The following SAMD5 variants were observed in gnomAD, a reference collection of about 807,000 sequenced individuals.
SAMD5 encodes sterile alpha motif domain containing 5.
In SAMD5, 13 loss-of-function variants were observed where a neutral mutation model predicts 11.3. That is an observed-to-expected ratio of 1.15 (90% CI 0.75 to 1.83). SAMD5 has a LOEUF of 1.83. Among genes scored for constraint, SAMD5 ranks in the 40% most tolerant of loss-of-function variants. SAMD5 has a pLI of 0.00. For missense variants in SAMD5, 255 were observed against 239.1 expected, an observed-to-expected ratio of 1.07 and a Z score of -0.44; for synonymous variants, 129 against 111.3, an observed-to-expected ratio of 1.16 and a Z score of -1.00.
intron 1 of SAMD5, among the ~76,000 whole-genome samples, chr6:147,734,804 T>C (rs1791772128): frequency 7.1e-6 from 1 of 141,750 alleles, no homozygotes; most frequent in Admixed American, 7.2e-5. Flanking sequence ...CACACATAGA[T>C]ACTCAGTAAA....
intron 1 of SAMD5, among the ~76,000 whole-genome samples, chr6:147,523,813 A>G (rs1788292235): frequency 6.6e-6 from 1 of 152,202 alleles, no homozygotes; most frequent in Non-Finnish European, 1.5e-5. Context: ...CTGGTCCTGT[A>G]GTCACTGTCA....
the SAMD5 span, among the ~76,000 whole-genome samples, chr6:147,831,200 A>C: frequency 6.6e-6 from 1 of 152,274 alleles, no homozygotes. Context: ...GAATAAAACA[A>C]AAAAAGATAT....
the SAMD5 span, among the ~76,000 whole-genome samples, chr6:147,857,598 A>G: frequency 6.6e-6 from 1 of 151,990 alleles, no homozygotes; most frequent in African/African-American, 2.4e-5. Context: ...TTCTGCCAAT[A>G]TAGGTAGGTT....
the SAMD5 span, among the ~76,000 whole-genome samples, chr6:147,838,145 G>T: frequency 1.3e-5 from 2 of 152,164 alleles, no homozygotes; most frequent in Non-Finnish European, 2.9e-5. Flanking sequence ...AGAGGAACTT[G>T]AAGGAGAAAT....
At position 147,541,048 on chromosome 6, in the gene SAMD5, C is replaced by T. The variant is rs1230728839; in HGVS notation, c.460-23346C>T. 7.0e-5 allele frequency among the ~76,000 whole-genome samples: 10 copies of T among 142,484 alleles called. No homozygotes were observed. The East Asian group carries it at 2.4e-3, about 34-fold the overall frequency. 93.5% of individuals were successfully genotyped at this position (142,484 alleles called of 152,430 possible). On this transcript the variant is annotated intron_variant, in intron 1 of 1. Transcript: ENST00000367474. ...CACTGCAACCTCCGCCTCCTGGGTTCAAGCGATTCTCCTGCCTCAGCCTCC... is the reference window on the plus strand; with the variant it reads ...CACTGCAACCTCCGCCTCCTGGGTTTAAGCGATTCTCCTGCCTCAGCCTCC...
intron 1 of SAMD5, among the ~76,000 whole-genome samples, chr6:147,515,243 G>A (rs1253115361): frequency 7.8e-6 from 1 of 127,460 alleles, no homozygotes; most frequent in Non-Finnish European, 1.6e-5. Flanking sequence ...GTGGAAAAAA[G>A]TGGGGGCAGG....
chr6:147,896,503 C>T, the SAMD5 span, among the ~76,000 whole-genome samples: 495 of 151,892 alleles, frequency 3.3e-3, 2 homozygotes, highest in Non-Finnish European at 5.4e-3. Flanking sequence ...GTTAGGGAGC[C>T]GGAGTCTCTG....
chr6:147,718,284 C>G (rs1186168361), intron 1 of SAMD5, among the ~76,000 whole-genome samples: 4 of 152,090 alleles, frequency 2.6e-5, no homozygotes, highest in South Asian at 2.1e-4. Flanking sequence ...GTGCACATCC[C>G]CCACCGAGTG....
At chr6:147,642,553 C>T (rs764912742) in intron 1 of SAMD5, among the ~76,000 whole-genome samples, 4 of 152,282 alleles carry the variant, frequency 2.6e-5, no homozygotes, top group East Asian at 3.9e-4. Flanking sequence ...ATTCAAACTG[C>T]GAGTTCGTCA....
intron 1 of SAMD5, among the ~76,000 whole-genome samples, chr6:147,654,975 C>A (rs1790544638): frequency 6.6e-6 from 1 of 152,108 alleles, no homozygotes; most frequent in Non-Finnish European, 1.5e-5. Flanking sequence ...GTGATCAGGA[C>A]CATGAGTGAT....
chr6:147,863,949 A>G, the SAMD5 span, among the ~76,000 whole-genome samples: 1 of 150,436 alleles, frequency 6.6e-6, no homozygotes, highest in Non-Finnish European at 1.5e-5. Context: ...GTGCAAGTGA[A>G]TCTCCTGCCT....
the SAMD5 span, among the ~76,000 whole-genome samples, chr6:147,759,594 A>G: frequency 6.7e-6 from 1 of 150,226 alleles, no homozygotes; most frequent in Non-Finnish European, 1.5e-5. Flanking sequence ...TTATATATTT[A>G]TTATATATAC....
At position 147,565,091 on chromosome 6, in the gene SAMD5, C is replaced by A. The variant is rs138245506; in HGVS notation, c.*635C>A. The A allele has an allele frequency of 4.1e-4, 407 of 984,288 alleles. 1 individual carries two copies. The African/African-American group carries it at 6.6e-3, about 16-fold the overall frequency. 61.0% of individuals were successfully genotyped at this position (984,288 alleles called of 1,614,324 possible). A position where few individuals can be genotyped will look rare whatever the true frequency, so the allele number is the denominator to read the frequency against. ...GAACATCACCAAGAGAGGACAATTT[C>A]TTCTAACTTCTCTTTTTAAATTTAA... On this transcript the variant is annotated 3_prime_UTR_variant, in exon 2 of 2. Coordinates refer to ENST00000367474, the MANE Select transcript of SAMD5 (RefSeq NM_001030060.3).
At position 147,569,848 on chromosome 6, in the gene SAMD5, C is replaced by G. The variant is rs1789108775; in HGVS notation, c.*5392C>G. The G allele has an allele frequency of 3.0e-6, 3 of 984,620 alleles. No homozygotes were observed. In the African/African-American group the frequency reaches 5.2e-5, roughly 17 times the overall value. The allele number at this position is 984,620 out of a possible 1,614,324, so 61.0% of individuals were successfully genotyped here. On this transcript the variant is annotated 3_prime_UTR_variant, in exon 2 of 2. Transcript: ENST00000367474. ...CAGTTTGGTTTTGTAAATGTAATTG[C>G]AATTGACACTTTCTTTTCCCTTTCA...
At chr6:147,942,084 G>T in the SAMD5 span, among the ~76,000 whole-genome samples, 1 of 152,022 alleles carries the variant, frequency 6.6e-6, no homozygotes, top group Non-Finnish European at 1.5e-5. Flanking sequence ...ATGTTGGTTG[G>T]TCAGGGCTGG....
At chr6:147,737,363 T>C in exon 2 of SAMD5, 1 of 1,268,048 alleles carries the variant, frequency 7.9e-7, no homozygotes, top group Non-Finnish European at 1.0e-6. Context: ...GTGCTGTTTA[T>C]TGGAGCTGTG....
At chr6:147,673,759 A>G (rs970161497) in intron 1 of SAMD5, among the ~76,000 whole-genome samples, 21 of 152,216 alleles carry the variant, frequency 1.4e-4, no homozygotes, top group African/African-American at 5.1e-4. Context: ...TGATGAGACT[A>G]TGGTGAAGGT....
At chr6:147,656,554 A>G (rs879505776) in intron 1 of SAMD5, among the ~76,000 whole-genome samples, 9 of 152,236 alleles carry the variant, frequency 5.9e-5, no homozygotes, top group Admixed American at 5.9e-4. Context: ...CAAAAACTTT[A>G]TGAACGAATG....
the SAMD5 span, among the ~76,000 whole-genome samples, chr6:147,940,419 G>T: frequency 0.096 from 14,536 of 152,146 alleles, 915 homozygotes; most frequent in South Asian, 0.13. Context: ...CTTAAAGCGT[G>T]TTCATCACAG....
Sources: allele counts gnomAD v4.1 joint callset (sites outside exome capture counted in the v4.1 genomes callset), GRCh38; gene constraint gnomAD v4.1.1; transcripts MANE v1.5; gene names NCBI Gene and HGNC (gene_info 2026-07-23, HGNC 2026-07-21).